The following MAP2 variants were observed in gnomAD, a reference collection of about 807,000 sequenced individuals.
MAP2 encodes microtubule associated protein 2.
In MAP2, 14 loss-of-function variants were observed where a neutral mutation model predicts 137.6. The observed-to-expected ratio is 0.10, with a 90% CI of 0.07 to 0.16. MAP2 has a LOEUF of 0.16. Ranked by LOEUF, MAP2 falls within the 10% of genes least tolerant of loss-of-function variation. The pLI, the probability that MAP2 is intolerant of heterozygous loss-of-function variation, is 1.00. For missense variants in MAP2, 2,088 were observed against 2,191.5 expected (o/e 0.95, Z 0.94); for synonymous variants, 786 against 782.3 (o/e 1.00, Z -0.08).
chr2:209,555,494 C>A, intron 2 of MAP2, among the ~76,000 whole-genome samples: 1 of 152,204 alleles, frequency 6.6e-6, no homozygotes, highest in East Asian at 1.9e-4. Context: ...AGGCTTATGA[C>A]TGGACTGGAG....
intron 13 of MAP2, chr2:209,723,680 G>C (rs1226052293): frequency 6.2e-7 from 1 of 1,613,512 alleles, no homozygotes; most frequent in Non-Finnish European, 8.5e-7. Context: ...TCGGCTGGGG[G>C]CGGAAATGTA....
chr2:209,443,899 C>A (rs1698419861), intron 1 of MAP2, among the ~76,000 whole-genome samples: 1 of 151,578 alleles, frequency 6.6e-6, no homozygotes, highest in African/African-American at 2.4e-5. Context: ...GAGGAGGCTA[C>A]CATGGGGCTG....
chr2:209,685,704 A>C (rs1367392254), intron 7 of MAP2, among the ~76,000 whole-genome samples: 1 of 152,144 alleles, frequency 6.6e-6, no homozygotes, highest in African/African-American at 2.4e-5. Flanking sequence ...TTGTTTCCTG[A>C]TTAGAGTGAA....
At chr2:209,631,050 G>A (rs1368753711) in intron 4 of MAP2, among the ~76,000 whole-genome samples, 5 of 122,612 alleles carry the variant, frequency 4.1e-5, no homozygotes, top group South Asian at 2.8e-4. Context: ...GAGAGAGAGC[G>A]AGAATAGATG....
At chr2:209,579,746 A>G (rs1049574116) in intron 2 of MAP2, 1 of 152,194 alleles carries the variant, frequency 6.6e-6, no homozygotes, top group Admixed American at 6.5e-5. Flanking sequence ...GTATTGCTGC[A>G]TATGCGCTGG....
chr2:209,590,320 G>A (rs1457337690), intron 3 of MAP2, among the ~76,000 whole-genome samples: 1 of 152,088 alleles, frequency 6.6e-6, no homozygotes, highest in African/African-American at 2.4e-5. Flanking sequence ...GCCACATGCA[G>A]CTATTTAAAT....
intron 1 of MAP2, among the ~76,000 whole-genome samples, chr2:209,458,937 C>G (rs111803184): frequency 2.6e-5 from 4 of 152,070 alleles, no homozygotes; most frequent in African/African-American, 9.6e-5. Context: ...TTGGGGAGAT[C>G]GCATGATTTA....
At chr2:209,564,152 G>C (rs974287908) in intron 2 of MAP2, among the ~76,000 whole-genome samples, 2 of 152,104 alleles carry the variant, frequency 1.3e-5, no homozygotes, top group Admixed American at 6.5e-5. Context: ...AAAGGAAAAT[G>C]AATAGAAAAA....
At chr2:209,460,324 A>G (rs1224978665) in intron 1 of MAP2, among the ~76,000 whole-genome samples, 1 of 152,228 alleles carries the variant, frequency 6.6e-6, no homozygotes. Flanking sequence ...AGCTATGCCT[A>G]TTCAGAGGAA....
rs554177405 is a variant in MAP2, at chr2:209,594,556, G to A, written c.-107+14456G>A. Among the ~76,000 whole-genome samples, 137 of 152,140 alleles carry A rather than the reference G, an allele frequency of 9.0e-4. 1 individual carries two copies. The highest frequency in any genetic ancestry group is 2.2e-4 in the Non-Finnish European group (15 of 67,994). ...CTGTCTCAGCCCGTCTGCATTTGATGTCTAGAATATCTTCAAAATTTCTCC... is the reference window on the plus strand; with the variant it reads ...CTGTCTCAGCCCGTCTGCATTTGATATCTAGAATATCTTCAAAATTTCTCC... On this transcript the variant is annotated intron_variant, in intron 3 of 15. Transcript: ENST00000682079.
chr2:209,639,329 A>T (rs1443220677), intron 4 of MAP2, among the ~76,000 whole-genome samples: 1 of 152,204 alleles, frequency 6.6e-6, no homozygotes, highest in African/African-American at 2.4e-5. Context: ...GATGATAGAT[A>T]AATACTGTAA....
intron 1 of MAP2, among the ~76,000 whole-genome samples, chr2:209,442,359 C>T (rs1011471933): frequency 2.0e-5 from 3 of 151,352 alleles, no homozygotes; most frequent in Admixed American, 2.0e-4. Flanking sequence ...GTCTAGGGGC[C>T]CCCAAGACAT....
At chr2:209,668,581 A>G (rs1003022670) in intron 5 of MAP2, among the ~76,000 whole-genome samples, 1 of 152,068 alleles carries the variant, frequency 6.6e-6, no homozygotes, top group Non-Finnish European at 1.5e-5. Context: ...TTAAAATTCT[A>G]TTAAAGTCTT....
At chr2:209,425,373 A>G (rs1193526009) in intron 1 of MAP2, among the ~76,000 whole-genome samples, 3 of 152,196 alleles carry the variant, frequency 2.0e-5, no homozygotes, top group African/African-American at 7.2e-5. Flanking sequence ...ACAAATGTAT[A>G]ATACACTATA....
intron 2 of MAP2, among the ~76,000 whole-genome samples, chr2:209,518,268 ATAT>A (rs1026340082): frequency 6.6e-6 from 1 of 152,114 alleles, no homozygotes; most frequent in Non-Finnish European, 1.5e-5. Context: ...ATGCATATAA[ATAT>A]TAATACATGA....
At chr2:209,546,459 AGTCAGT>A (rs2068088533) in intron 2 of MAP2, among the ~76,000 whole-genome samples, 1 of 152,226 alleles carries the variant, frequency 6.6e-6, no homozygotes, top group Non-Finnish European at 1.5e-5. Context: ...ATGTCTGTGG[AGTCAGT>A]GTCTGGACAG....
In MAP2 at chr2:209,695,080, T is replaced by A. The variant is rs1418155231; in HGVS notation, c.2910T>A (p.His970Gln). 1 of 1,614,010 alleles carries A rather than the reference T, an allele frequency of 6.2e-7. No individual in the cohort carries two copies. Among genetic ancestry groups the A allele is most frequent in the Non-Finnish European group, 8.5e-7 (1 of 1,180,026 alleles). ...CTGTACTAGAAAAGAGTGAAGAACA[T>A]GCTGATTCAAAAGAACATGCCAAGA... ...LDTVLEKSEEHADSKEHAKKT... is the reference protein window; with the variant it reads ...LDTVLEKSEEQADSKEHAKKT... The change falls in exon 8 of 16, where the codon CAT becomes CAA. Residue 970 changes from histidine to glutamine, a missense_variant. Coordinates refer to ENST00000682079, the MANE Select transcript of MAP2 (RefSeq NM_001375505.1).
intron 2 of MAP2, among the ~76,000 whole-genome samples, chr2:209,567,447 A>G (rs1224640715): frequency 6.6e-6 from 1 of 152,134 alleles, no homozygotes; most frequent in African/African-American, 2.4e-5. Flanking sequence ...AAAAAAAGCA[A>G]AACACAAGAG....
intron 12 of MAP2, among the ~76,000 whole-genome samples, chr2:209,706,111 T>C (rs918226551): frequency 9.9e-5 from 15 of 152,160 alleles, no homozygotes; most frequent in African/African-American, 3.6e-4. Flanking sequence ...TTCCAAGTTG[T>C]AAAATCTAAC....
Sources: gnomAD v4.1 joint callset for allele counts (sites outside exome capture counted in the v4.1 genomes callset) on GRCh38, gnomAD v4.1.1 for gene constraint, MANE v1.5 for transcripts, NCBI Gene and HGNC (gene_info 2026-07-23, HGNC 2026-07-21) for gene names.